Variants in TBCD observed in about 807,000 individuals in gnomAD.
TBCD encodes the protein tubulin-specific chaperone D.
A neutral mutation model predicts 169.3 loss-of-function variants in TBCD; 105 were observed. The ratio of observed to expected loss-of-function variants is 0.62; its 90% CI spans 0.53 to 0.73. The LOEUF (loss-of-function observed/expected upper bound fraction) is 0.73. Among genes scored for constraint, TBCD ranks in the 30% least tolerant of loss-of-function variants. The pLI, the probability that TBCD is intolerant of heterozygous loss-of-function variation, is 0.00. For missense variants in TBCD, 1,444 were observed against 1,600.1 expected (o/e 0.90, Z 1.66); for synonymous variants, 700 against 643.9 (o/e 1.09, Z -1.32).
intron 4 of TBCD, among the ~76,000 whole-genome samples, chr17:82,766,784 A>G (rs1470277315): frequency 6.6e-6 from 1 of 152,198 alleles, no homozygotes; most frequent in East Asian, 1.9e-4. Flanking sequence ...CAAAATCAGC[A>G]AAGGGAAAAG....
At chr17:82,934,660 T>TG (rs1466025508) in intron 34 of TBCD, among the ~76,000 whole-genome samples, 2 of 151,826 alleles carry the variant, frequency 1.3e-5, no homozygotes, top group African/African-American at 4.8e-5. Flanking sequence ...TTAGTAGAGA[T>TG]GGGGTTTCAC....
intron 7 of TBCD, among the ~76,000 whole-genome samples, chr17:82,784,846 G>A (rs1225725476): frequency 6.6e-6 from 1 of 152,202 alleles, no homozygotes; most frequent in Non-Finnish European, 1.5e-5. Context: ...GTGGCATGGG[G>A]TGTGGCAACT....
chr17:82,777,964 G>A (rs1226290041), intron 6 of TBCD, among the ~76,000 whole-genome samples: 2 of 152,216 alleles, frequency 1.3e-5, no homozygotes, highest in African/African-American at 2.4e-5. Flanking sequence ...TGGCGTTACC[G>A]CTAGACCAAG....
At chr17:82,870,133 C>T (rs1034401545) in intron 13 of TBCD, 91 bp from the exon 14 acceptor site, 33 of 1,561,328 alleles carry the variant, frequency 2.1e-5, no homozygotes, top group South Asian at 9.1e-5. Flanking sequence ...GCACCGTGAC[C>T]GCGCTCCGGC....
chr17:82,773,460 T>A (rs1416985653), intron 6 of TBCD, among the ~76,000 whole-genome samples: 1 of 152,212 alleles, frequency 6.6e-6, no homozygotes, highest in Admixed American at 6.5e-5. Context: ...ATTATTAAAG[T>A]AATCTGTATA....
chr17:82,756,337 T>G (rs2047399605), intron 2 of TBCD, 122 bp downstream of exon 2: 2 of 1,050,168 alleles, frequency 1.9e-6, no homozygotes, highest in Non-Finnish European at 2.9e-6. Context: ...GTCCCTGTCT[T>G]GCTTGCCTGG....
chr17:82,842,526 C>G (rs1418156357), intron 13 of TBCD, among the ~76,000 whole-genome samples: 1 of 152,188 alleles, frequency 6.6e-6, no homozygotes, highest in Non-Finnish European at 1.5e-5. Context: ...GCCTGCCTCT[C>G]TCTTGCACTG....
intron 13 of TBCD, among the ~76,000 whole-genome samples, chr17:82,866,237 C>T (rs1183712003): frequency 6.6e-6 from 1 of 152,174 alleles, no homozygotes; most frequent in Non-Finnish European, 1.5e-5. Context: ...GATGTCAGAG[C>T]TGGCAGCCCA....
intron 6 of TBCD, among the ~76,000 whole-genome samples, chr17:82,773,983 C>T (rs974839029): frequency 6.6e-6 from 1 of 151,716 alleles, no homozygotes; most frequent in Non-Finnish European, 1.5e-5. Flanking sequence ...CCCACCTCGG[C>T]CTCCCAAAGT....
Position 82,876,136 on chromosome 17 carries a change from T to A in TBCD, c.1475+5756T>A, listed in dbSNP as rs138387775. 2.0e-3 allele frequency among the ~76,000 whole-genome samples: 311 copies of A among 152,296 alleles called. 2 individuals carry two copies. Among genetic ancestry groups the A allele is most frequent in the East Asian group, 5.6e-3 (29 of 5,194 alleles). ...TAAGAAAACTTGAGCTGGGGTGAGG[T>A]CTGCACTTTGCTGTACCTGCCGAAA... On this transcript the variant is annotated intron_variant, in intron 14 of 38. Transcript: ENST00000355528.
intron 6 of TBCD, among the ~76,000 whole-genome samples, chr17:82,777,575 A>C (rs1202962434): frequency 2.0e-5 from 3 of 152,380 alleles, no homozygotes; most frequent in South Asian, 2.1e-4. Flanking sequence ...CCTGCCTGGC[A>C]GCCGAGGCAG....
rs1054156998 is a variant in TBCD, at chr17:82,752,188, G to T, written c.-6G>T. 190 of 1,515,826 alleles carry T rather than the reference G, an allele frequency of 1.3e-4. No individual in the cohort carries two copies. The highest frequency in any genetic ancestry group is 1.4e-4 in the Non-Finnish European group (157 of 1,134,426). 93.9% of individuals were successfully genotyped at this position (1,515,826 alleles called of 1,614,324 possible). On this transcript the variant is annotated 5_prime_UTR_variant, in exon 1 of 39. Transcript: ENST00000355528. The stretch of plus-strand genomic sequence containing the variant: ...GAGGCGGGGGCGCGGTCCCCAGGCT[G>T]CCGAGATGGCCCTGAGCGACGAACC...
At chr17:82,819,849 G>A (rs1001192176) in intron 13 of TBCD, among the ~76,000 whole-genome samples, 10 of 152,132 alleles carry the variant, frequency 6.6e-5, no homozygotes, top group Admixed American at 6.5e-5. Context: ...CACCTCTGTT[G>A]TTGTGGCAGG....
intron 14 of TBCD, among the ~76,000 whole-genome samples, chr17:82,881,034 C>T (rs1300416516): frequency 6.6e-6 from 1 of 152,164 alleles, no homozygotes; most frequent in Non-Finnish European, 1.5e-5. Flanking sequence ...GAAGGGCCTC[C>T]CCCAGCCCTC....
Position 82,906,017 on chromosome 17 carries a change from C to T in TBCD, c.1886C>T (p.Ala629Val), listed in dbSNP as rs984046914. 3 of 1,611,728 alleles carry T rather than the reference C, an allele frequency of 1.9e-6. No individual in the cohort carries two copies. Among genetic ancestry groups the T allele is most frequent in the Non-Finnish European group, 1.7e-6 (2 of 1,179,038 alleles). ...HGSILACAEVAYALYKLAAQE... is the reference protein window; with the variant it reads ...HGSILACAEVVYALYKLAAQE... ...TCGATTCTCGCCTGCGCAGAAGTTG[C>T]TTACGCCTTGTACAAACTTGCAGCC... is the stretch of plus-strand genomic sequence containing the variant. Residue 629 changes from alanine to valine, a missense_variant, in exon 20 of 39, where the codon GCT becomes GTT. Ala to Val is a moderately conservative substitution (Grantham distance 64). Transcript: ENST00000355528.
At position 82,793,531 on chromosome 17, in the gene TBCD, G is replaced by C. The variant is rs746628914; in HGVS notation, c.772-4226G>C. On this transcript the variant is annotated intron_variant, in intron 7 of 38. Transcript: ENST00000355528. ...TTCTTTTCCTGCCCTGCTGCTGAGGGGAGCCTCGAGCGTACCAGAGTTCCT... is the reference window on the plus strand; with the variant it reads ...TTCTTTTCCTGCCCTGCTGCTGAGGCGAGCCTCGAGCGTACCAGAGTTCCT... Among the ~76,000 whole-genome samples the C allele has an allele frequency of 1.9e-4, 29 of 152,184 alleles. 1 individual carries two copies. Among genetic ancestry groups the C allele is most frequent in the Non-Finnish European group, 4.3e-4 (29 of 68,038 alleles).
At chr17:82,785,094 C>T (rs1192073122) in intron 7 of TBCD, among the ~76,000 whole-genome samples, 1 of 77,156 alleles carries the variant, frequency 1.3e-5, no homozygotes, top group Admixed American at 1.2e-4. Context: ...CCCATCGCAG[C>T]GGGAGGGGGG....
rs921337834 is a variant in TBCD at position 82,903,705 on chromosome 17, C to G, written c.1804+227C>G. 6.6e-6 allele frequency among the ~76,000 whole-genome samples: 1 copy of G among 152,216 alleles called. No homozygotes were observed. Among genetic ancestry groups the G allele is most frequent in the Non-Finnish European group, 1.5e-5 (1 of 68,042 alleles). On this transcript the variant is annotated intron_variant, in intron 19 of 38. Transcript: ENST00000355528. The surrounding 1 kb of genome is among the most constrained non-coding windows in gnomAD (Gnocchi z 4.8). ...AGCCGCTGAACTGTGTTACGTACAC[C>G]GGAGCCCGTGATGGTCCCGCCGGAT... is the stretch of plus-strand genomic sequence containing the variant.
chr17:82,856,309 C>G (rs1192798082), intron 13 of TBCD, among the ~76,000 whole-genome samples: 2 of 151,586 alleles, frequency 1.3e-5, no homozygotes, highest in East Asian at 3.9e-4. Flanking sequence ...AAAACACTAA[C>G]CAAAAGAAAG....
Sources: gnomAD v4.1 joint callset for allele counts (sites outside exome capture counted in the v4.1 genomes callset) on GRCh38, gnomAD v4.1.1 for gene constraint, Gnocchi (gnomAD v3.1) non-coding constraint, MANE v1.5 for transcripts, NCBI Gene and HGNC (gene_info 2026-07-23, HGNC 2026-07-21) for gene names.